Variants in NRXN3 observed in about 807,000 individuals in gnomAD.
NRXN3 encodes the protein neurexin III.
A neutral mutation model predicts 137.6 loss-of-function variants in NRXN3; 32 were observed. The ratio of observed to expected loss-of-function variants is 0.23; its 90% CI spans 0.18 to 0.31. The LOEUF is 0.31. Ranked by LOEUF, NRXN3 falls within the 10% of genes least tolerant of loss-of-function variation. The pLI, the probability that NRXN3 is intolerant of heterozygous loss-of-function variation, is 1.00. For synonymous variants in NRXN3, 798 were observed against 784.5 expected, an observed-to-expected ratio of 1.02 and a Z score of -0.29; for missense variants, 1,574 against 2,062.5, an observed-to-expected ratio of 0.76 and a Z score of 4.59.
intron 4 of NRXN3, among the ~76,000 whole-genome samples, chr14:78,498,014 A>G (rs1175733519): frequency 6.6e-6 from 1 of 152,204 alleles, no homozygotes; most frequent in Non-Finnish European, 1.5e-5. Flanking sequence ...TTCATCCAGC[A>G]GCCTATCAAG....
At chr14:78,550,016 T>C (rs937607644) in intron 4 of NRXN3, among the ~76,000 whole-genome samples, 3 of 148,820 alleles carry the variant, frequency 2.0e-5, no homozygotes, top group African/African-American at 7.4e-5. Flanking sequence ...AGGAGACAAA[T>C]CTGATTCTGC....
intron 15 of NRXN3, among the ~76,000 whole-genome samples, chr14:79,102,081 G>T (rs1017635889): frequency 6.6e-6 from 1 of 152,112 alleles, no homozygotes; most frequent in Non-Finnish European, 1.5e-5. Flanking sequence ...GCATTGCTCT[G>T]CTCATGTCTT....
At chr14:79,172,646 A>G (rs1201844768) in intron 15 of NRXN3, among the ~76,000 whole-genome samples, 1 of 152,206 alleles carries the variant, frequency 6.6e-6, no homozygotes, top group Non-Finnish European at 1.5e-5. Flanking sequence ...TTGAGTGGTG[A>G]CAATTTAATA....
intron 17 of NRXN3, among the ~76,000 whole-genome samples, chr14:79,688,657 A>G (rs1603430126): frequency 6.6e-6 from 1 of 152,164 alleles, no homozygotes; most frequent in Non-Finnish European, 1.5e-5. Context: ...CCAAAGTGGA[A>G]AATGTGAGGT....
chr14:79,440,222 T>C (rs6574507), intron 15 of NRXN3, among the ~76,000 whole-genome samples: 106,648 of 152,102 alleles, frequency 0.7, 38,288 homozygotes, highest in African/African-American at 0.86. Flanking sequence ...TAAGAGCCTT[T>C]GGATTCAGCC....
At chr14:79,803,933 G>GTGTA (rs1555744151) in intron 19 of NRXN3, among the ~76,000 whole-genome samples, 12 of 141,262 alleles carry the variant, frequency 8.5e-5, no homozygotes, top group African/African-American at 2.1e-4. Context: ...ATATGTGTGT[G>GTGTA]TATATATATA....
intron 19 of NRXN3, among the ~76,000 whole-genome samples, chr14:79,715,473 G>A (rs1342195042): frequency 6.6e-6 from 1 of 152,186 alleles, no homozygotes; most frequent in Non-Finnish European, 1.5e-5. Context: ...CATTTGAAAA[G>A]CCAGGGGCCT....
intron 4 of NRXN3, among the ~76,000 whole-genome samples, chr14:78,611,500 A>T (rs1466069058): frequency 6.6e-6 from 1 of 151,762 alleles, no homozygotes; most frequent in Non-Finnish European, 1.5e-5. Context: ...AATTATTTGC[A>T]TGATGACTTA....
chr14:78,473,408 A>AAAAAAAAAAATG (rs2095319093), intron 4 of NRXN3, among the ~76,000 whole-genome samples: 1 of 151,962 alleles, frequency 6.6e-6, no homozygotes, highest in Non-Finnish European at 1.5e-5. Context: ...TCTCAAAAAA[A>AAAAAAAAAAATG]AAAAAAAAAA....
chr14:78,557,101 A>T (rs1227849689), intron 4 of NRXN3, among the ~76,000 whole-genome samples: 2 of 148,776 alleles, frequency 1.3e-5, no homozygotes, highest in Non-Finnish European at 3.0e-5. Flanking sequence ...CCCAGGCTGC[A>T]GTGCATGATC....
rs919138966 is a variant in NRXN3 at position 79,706,419 on chromosome 14, CTTTTT to C, written c.4014+8498_4014+8502del. Among the ~76,000 whole-genome samples, 89 of 115,986 alleles carry C rather than the reference CTTTTT, an allele frequency of 7.7e-4. No homozygotes were observed. The South Asian group carries it at 9.3e-3, about 12-fold the overall frequency. The allele number at this position is 115,986 out of a possible 152,430, so 76.1% of individuals were successfully genotyped here. A position where few individuals can be genotyped will look rare whatever the true frequency, so the allele number is the denominator to read the frequency against. The stretch of plus-strand genomic sequence containing the variant: ...GGAAAATTAACTTGAGGCTTTTTTA[CTTTTT>C]TTTTTTTTTTTTTTTGGTCTGTTGA... On this transcript the variant is annotated intron_variant, in intron 19 of 20. Transcript: ENST00000335750.
At chr14:78,906,597 T>C (rs1177323046) in intron 10 of NRXN3, among the ~76,000 whole-genome samples, 9 of 152,126 alleles carry the variant, frequency 5.9e-5, no homozygotes, top group African/African-American at 2.2e-4. Flanking sequence ...CCAAACAATA[T>C]TTCTTTGGGG....
intron 15 of NRXN3, among the ~76,000 whole-genome samples, chr14:79,178,543 A>G (rs6574499): frequency 0.6 from 91,688 of 152,044 alleles, 29,316 homozygotes; most frequent in South Asian, 0.73. Context: ...TGATTGAGTT[A>G]TAGCTATTGT....
rs566277542 is a variant in NRXN3, at chr14:79,104,777, A to G, written c.3262+116636A>G. Among the ~76,000 whole-genome samples the G allele has an allele frequency of 2.0e-5, 3 of 151,236 alleles. No homozygotes were observed. The East Asian group carries it at 5.8e-4, about 29-fold the overall frequency. ...GAAATTCACCTTTCCCCCAGTTATC[A>G]CATCCTAATTTTTCTGGGGTTTGTA... is the stretch of plus-strand genomic sequence containing the variant. On this transcript the variant is annotated intron_variant, in intron 15 of 20. Coordinates refer to ENST00000335750, the MANE Select transcript of NRXN3 (RefSeq NM_001330195.2).
chr14:79,805,749 G>C (rs767930291), intron 20 of NRXN3, among the ~76,000 whole-genome samples: 3 of 152,068 alleles, frequency 2.0e-5, no homozygotes, highest in Admixed American at 6.5e-5. Context: ...TACTAATTTT[G>C]TTAACTGTGT....
intron 15 of NRXN3, among the ~76,000 whole-genome samples, chr14:79,465,915 A>C (rs1012515450): frequency 3.9e-5 from 6 of 152,248 alleles, no homozygotes; most frequent in Non-Finnish European, 8.8e-5. Flanking sequence ...CTTTCTGGTC[A>C]CCAAATCTAA....
At chr14:79,736,244 G>T in intron 19 of NRXN3, among the ~76,000 whole-genome samples, 1 of 152,040 alleles carries the variant, frequency 6.6e-6, no homozygotes, top group Non-Finnish European at 1.5e-5. Flanking sequence ...TCTCTCTTCT[G>T]AATAAAGATA....
intron 15 of NRXN3, among the ~76,000 whole-genome samples, chr14:79,429,274 C>T (rs1007761097): frequency 1.3e-5 from 2 of 152,126 alleles, no homozygotes; most frequent in Admixed American, 6.6e-5. Flanking sequence ...ATAGATAAGG[C>T]GACCCACTTT....
At chr14:78,570,613 A>C (rs1291332311) in intron 4 of NRXN3, among the ~76,000 whole-genome samples, 1 of 152,186 alleles carries the variant, frequency 6.6e-6, no homozygotes. Flanking sequence ...CCCAGGAAGT[A>C]TTCTATCTCA....
Sources: allele counts gnomAD v4.1 joint callset (sites outside exome capture counted in the v4.1 genomes callset), GRCh38; gene constraint gnomAD v4.1.1; transcripts MANE v1.5; gene names NCBI Gene and HGNC (gene_info 2026-07-23, HGNC 2026-07-21).